Variants in APBA2 observed in about 807,000 individuals in gnomAD.
APBA2 encodes amyloid beta precursor protein binding family A member 2, also known as amyloid-beta A4 precursor protein-binding family A member 2.
In APBA2, 30 loss-of-function variants were observed where a neutral mutation model predicts 75.0. The ratio of observed to expected loss-of-function variants is 0.40; its 90% confidence interval spans 0.30 to 0.54. The LOEUF (loss-of-function observed/expected upper bound fraction) is 0.54. APBA2 is among the 20% of genes least tolerant of loss of function. The pLI is 0.49. For missense variants in APBA2, 801 were observed against 1,016.1 expected (o/e 0.79, Z 2.88); for synonymous variants, 444 against 409.6 (o/e 1.08, Z -1.01).
chr15:29,103,086 T>C (rs1266038013), intron 10 of APBA2, among the ~76,000 whole-genome samples: 9 of 152,326 alleles, frequency 5.9e-5, no homozygotes, highest in African/African-American at 1.7e-4. Flanking sequence ...TCTGTGTGAC[T>C]GAGGGCCGAG....
Position 29,108,187 on chromosome 15 carries a change from C to T in APBA2, c.1918-83C>T, listed in dbSNP as rs2044531634. 2.5e-6 allele frequency: 4 copies of T among 1,600,740 alleles called. No individual in the cohort carries two copies. The South Asian group carries it at 3.3e-5, about 13-fold the overall frequency. Reference sequence around the variant, plus strand: ...GTGTGTTCTCACTGCCCCCGGCCTCCACCACCCTGCCAGCCTCGCTCATCC... The same window carrying T: ...GTGTGTTCTCACTGCCCCCGGCCTCTACCACCCTGCCAGCCTCGCTCATCC... On this transcript the variant is annotated intron_variant, in intron 12 of 14. Transcript: ENST00000683413.
chr15:28,912,323 G>C (rs2033467303), intron 1 of APBA2, among the ~76,000 whole-genome samples: 1 of 152,154 alleles, frequency 6.6e-6, no homozygotes, highest in Non-Finnish European at 1.5e-5. Context: ...AGGACATGTG[G>C]GTTATTCAAA....
chr15:29,075,935 C>G lies in APBA2; in HGVS notation c.1033-120C>G, dbSNP rs1218833810. ...GGAGCTGACATCTTCAGAACACCAT[C>G]ACTCATGGGGGGTTTGCTTTTCTCA... On this transcript the variant is annotated intron_variant, in intron 5 of 14. Coordinates refer to ENST00000683413, the MANE Select transcript of APBA2 (RefSeq NM_001353788.2). 4 of 871,250 alleles carry G rather than the reference C, an allele frequency of 4.6e-6. No individual in the cohort carries two copies. The African/African-American group carries it at 6.6e-5, about 14-fold the overall frequency. The allele number at this position is 871,250 out of a possible 1,614,324, so 54.0% of individuals were successfully genotyped here.
chr15:28,946,024 G>A (rs996402040), intron 2 of APBA2, among the ~76,000 whole-genome samples: 3 of 152,206 alleles, frequency 2.0e-5, no homozygotes, highest in Non-Finnish European at 2.9e-5. Context: ...TTACTGTTAT[G>A]CAAATGTGGG....
chr15:29,045,972 T>C (rs1008467565), intron 3 of APBA2, among the ~76,000 whole-genome samples: 1 of 152,124 alleles, frequency 6.6e-6, no homozygotes, highest in African/African-American at 2.4e-5. Context: ...CATATAACAG[T>C]TGTATCCCTA....
At chr15:29,011,468 G>T (rs947939752) in intron 3 of APBA2, among the ~76,000 whole-genome samples, 11 of 125,906 alleles carry the variant, frequency 8.7e-5, no homozygotes, top group Non-Finnish European at 1.2e-4. Context: ...TTTCTAGCTT[G>T]CTTACCCCGT....
chr15:29,094,540 G>A (rs532129182), intron 8 of APBA2, among the ~76,000 whole-genome samples: 1 of 152,250 alleles, frequency 6.6e-6, no homozygotes, highest in South Asian at 2.1e-4. Flanking sequence ...TTCTTTCTTA[G>A]CATCTCCTGT....
intron 3 of APBA2, among the ~76,000 whole-genome samples, chr15:29,025,694 A>G (rs1021658069): frequency 6.2e-5 from 9 of 144,362 alleles, no homozygotes; most frequent in Non-Finnish European, 1.1e-4. Context: ...GCTCACGCCT[A>G]TAATCCCAGC....
intron 6 of APBA2, among the ~76,000 whole-genome samples, 171 bp downstream of exon 6, chr15:29,076,262 G>T (rs1222684256): frequency 6.6e-6 from 1 of 152,156 alleles, no homozygotes; most frequent in Non-Finnish European, 1.5e-5. Flanking sequence ...CACTTAGTGG[G>T]GAGGGGAGGT....
At chr15:29,012,485 A>G (rs1016502590) in intron 3 of APBA2, among the ~76,000 whole-genome samples, 2 of 152,194 alleles carry the variant, frequency 1.3e-5, no homozygotes, top group African/African-American at 2.4e-5. Flanking sequence ...GTTACCCTCA[A>G]TCGTCTGAGT....
At chr15:29,116,654 G>A (rs1404612446) in intron 14 of APBA2, among the ~76,000 whole-genome samples, 3 of 151,360 alleles carry the variant, frequency 2.0e-5, no homozygotes, top group Non-Finnish European at 2.9e-5. Context: ...GAAGGGGTGC[G>A]TGTGTCTTCC....
chr15:29,022,443 A>T (rs2039998628), intron 3 of APBA2, among the ~76,000 whole-genome samples: 1 of 152,184 alleles, frequency 6.6e-6, no homozygotes, highest in Admixed American at 6.5e-5. Context: ...AACATTTTAG[A>T]GTCACCTATT....
intron 4 of APBA2, among the ~76,000 whole-genome samples, chr15:29,060,440 G>A (rs1278762440): frequency 6.6e-6 from 1 of 152,182 alleles, no homozygotes; most frequent in Non-Finnish European, 1.5e-5. Context: ...AGAAGAGAAA[G>A]CGTCCAGTTC....
At chr15:28,941,855 C>T (rs937839570) in intron 2 of APBA2, among the ~76,000 whole-genome samples, 3 of 152,258 alleles carry the variant, frequency 2.0e-5, no homozygotes, top group African/African-American at 7.2e-5. Flanking sequence ...CTCCCGGGTT[C>T]ACACCATTCT....
intron 2 of APBA2, 130 bp downstream of exon 2, chr15:28,921,879 G>C (rs1318508858): frequency 2.0e-5 from 3 of 152,218 alleles, no homozygotes; most frequent in Non-Finnish European, 4.4e-5. Context: ...TCTAATAAAA[G>C]CTTAAACACA....
At chr15:28,964,458 G>A (rs966017013) in intron 2 of APBA2, among the ~76,000 whole-genome samples, 1 of 151,536 alleles carries the variant, frequency 6.6e-6, no homozygotes, top group Non-Finnish European at 1.5e-5. Context: ...GTATCTTCAC[G>A]GGTGAAATAT....
At chr15:28,901,382 C>T (rs2032843214) in intron 1 of APBA2, among the ~76,000 whole-genome samples, 1 of 152,170 alleles carries the variant, frequency 6.6e-6, no homozygotes, top group East Asian at 1.9e-4. Flanking sequence ...CGGCAGGGCC[C>T]TGTGGCTTGG....
intron 2 of APBA2, among the ~76,000 whole-genome samples, chr15:28,985,835 A>C (rs2037894057): frequency 6.6e-6 from 1 of 152,168 alleles, no homozygotes; most frequent in Non-Finnish European, 1.5e-5. Context: ...GGAAGGAGAG[A>C]GATAGAAGAC....
intron 2 of APBA2, among the ~76,000 whole-genome samples, chr15:28,972,318 C>T (rs1453674763): frequency 6.6e-6 from 1 of 152,156 alleles, no homozygotes; most frequent in Admixed American, 6.6e-5. Context: ...AGAAAACTTT[C>T]CTAAAATAAA....
Sources: gnomAD v4.1 joint callset for allele counts (sites outside exome capture counted in the v4.1 genomes callset) on GRCh38, gnomAD v4.1.1 for gene constraint, MANE v1.5 for transcripts, NCBI Gene and HGNC (gene_info 2026-07-23, HGNC 2026-07-21) for gene names.